The following ZNF26 variants were observed in gnomAD, a reference collection of about 807,000 sequenced individuals.
The protein encoded by ZNF26 is epididymis luminal protein 179.
A neutral mutation model predicts 54.9 loss-of-function variants in ZNF26; 32 were observed. That is an observed-to-expected ratio of 0.58 (90% CI 0.44 to 0.78). The LOEUF is 0.78. ZNF26 is among the 30% of genes least tolerant of loss of function. The probability of loss-of-function intolerance (pLI) is 0.00; values close to 1 mark genes in which losing one functional copy is unlikely to be tolerated. For missense variants in ZNF26, 524 were observed against 634.0 expected (o/e 0.83, Z 1.86); for synonymous variants, 221 against 209.2 (o/e 1.06, Z -0.49).
chr12:132,986,730 G>C lies in ZNF26; in HGVS notation c.-111G>C. The C allele has an allele frequency of 8.0e-7, 1 of 1,250,674 alleles. No individual in the cohort carries two copies. The highest frequency in any genetic ancestry group is 1.1e-6 in the Non-Finnish European group (1 of 896,380). The allele number at this position is 1,250,674 out of a possible 1,614,324, so 77.5% of individuals were successfully genotyped here. ...AACGACTCGGCCCCGGGACGGTCAGGAGCCTGGGGCCCTGGTCCCGCACCT... is the reference window on the plus strand; with the variant it reads ...AACGACTCGGCCCCGGGACGGTCAGCAGCCTGGGGCCCTGGTCCCGCACCT... On this transcript the variant is annotated 5_prime_UTR_variant, in exon 1 of 4. Transcript: ENST00000328654.
Position 133,010,678 on chromosome 12 carries a change from T to C in ZNF26, c.799T>C (p.Tyr267His). 6.2e-7 allele frequency: 1 copy of C among 1,614,148 alleles called. No individual in the cohort carries two copies. The highest frequency in any genetic ancestry group is 8.5e-7 in the Non-Finnish European group (1 of 1,180,038). ...TGGCTGCAGTGAATGTGGGAAAGCC[T>C]ACAGTTGGAAATCACAGCTTCTTTT... ...PYGCSECGKA[Y>H]SWKSQLLLHQ... The change falls in exon 4 of 4, where the codon TAC (tyrosine) becomes CAC (histidine). Residue 267 changes from tyrosine to histidine, a missense_variant. Transcript: ENST00000328654.
intron 1 of ZNF26, among the ~76,000 whole-genome samples, chr12:132,999,153 C>G (rs1471666287): frequency 6.6e-6 from 1 of 152,218 alleles, no homozygotes; most frequent in African/African-American, 2.4e-5. Context: ...GTTCCAGAGT[C>G]AGTGGAACAG....
chr12:132,995,459 A>G lies in ZNF26; in HGVS notation c.33+8586A>G, dbSNP rs948245994. On this transcript the variant is annotated intron_variant, in intron 1 of 3. Coordinates refer to ENST00000328654, the MANE Select transcript of ZNF26 (RefSeq NM_019591.4). ...TATACAACTTCTCTGTATTTTAAAT[A>G]TTTACATAGTTATATATTATGATAG... 2.5e-4 allele frequency among the ~76,000 whole-genome samples: 37 copies of G among 148,702 alleles called. No homozygotes were observed. In the South Asian group the frequency reaches 6.8e-3, roughly 27 times the overall value.
intron 1 of ZNF26, among the ~76,000 whole-genome samples, chr12:132,990,814 G>A (rs1444341444): frequency 2.0e-5 from 3 of 152,122 alleles, no homozygotes; most frequent in East Asian, 1.9e-4. Context: ...GTCATGAAAT[G>A]TGTGGACGTA....
At position 132,986,832 on chromosome 12, in the gene ZNF26, G is replaced by T. The variant is rs1952832977; in HGVS notation, c.-9G>T. 6.2e-7 allele frequency: 1 copy of T among 1,604,480 alleles called. No individual in the cohort carries two copies. The highest frequency in any genetic ancestry group is 8.5e-7 in the Non-Finnish European group (1 of 1,175,586). On this transcript the variant is annotated 5_prime_UTR_variant, in exon 1 of 4. Transcript: ENST00000328654. Reference sequence around the variant, plus strand: ...CCCCCGCAGGCAGCGCGCGAACGTGGGCGTGGGGATGGCCACCAGTTTCCG... The same window carrying T: ...CCCCCGCAGGCAGCGCGCGAACGTGTGCGTGGGGATGGCCACCAGTTTCCG...
In ZNF26 at chr12:133,011,461, C is replaced by A; in HGVS notation, c.1582C>A (p.His528Asn). 3 of 1,552,692 alleles carry A rather than the reference C, an allele frequency of 1.9e-6. No homozygotes were observed. The highest frequency in any genetic ancestry group is 1.2e-5 in the South Asian group (1 of 80,330). Residue 528 changes from histidine to asparagine, a missense_variant, in exon 4 of 4, where the codon CAT (histidine) becomes AAT (asparagine). His to Asn is a moderately conservative substitution (Grantham distance 68). Coordinates refer to ENST00000328654, the MANE Select transcript of ZNF26 (RefSeq NM_019591.4). The part of the protein sequence containing the change: ...SFCWNSGLRI[H>N]RKTHK ...CTGTTGGAATTCAGGGCTTCGTATA[C>A]ATCGGAAGACTCATAAATGAGAAAT...
intron 1 of ZNF26, among the ~76,000 whole-genome samples, chr12:132,992,549 T>C (rs2137215856): frequency 6.6e-6 from 1 of 152,330 alleles, no homozygotes; most frequent in South Asian, 2.1e-4. Flanking sequence ...TATTGTTTCA[T>C]ATATAGATGC....
At chr12:133,008,112 C>G (rs1953374542) in intron 3 of ZNF26, among the ~76,000 whole-genome samples, 1 of 152,140 alleles carries the variant, frequency 6.6e-6, no homozygotes, top group African/African-American at 2.4e-5. Context: ...GCTTTCCCCC[C>G]AGTGTTGTAA....
chr12:132,986,977 T>A, intron 1 of ZNF26, 104 bp downstream of exon 1: 1 of 1,324,640 alleles, frequency 7.5e-7, no homozygotes, highest in Non-Finnish European at 1.1e-6. Flanking sequence ...TCAGCTGTAA[T>A]TGTGTGCGTA....
intron 1 of ZNF26, among the ~76,000 whole-genome samples, chr12:132,991,761 G>A (rs1048105677): frequency 2.3e-4 from 35 of 152,200 alleles, no homozygotes; most frequent in African/African-American, 7.9e-4. Context: ...TCCAGCTTAG[G>A]CAACAGAGCG....
intron 1 of ZNF26, chr12:133,005,087 A>T (rs1342563221): frequency 6.6e-6 from 1 of 151,882 alleles, no homozygotes; most frequent in Non-Finnish European, 1.5e-5. Flanking sequence ...ATTTGTCTTC[A>T]CTCCAAGAGA....
chr12:132,998,077 C>G (rs1593647176), intron 1 of ZNF26, among the ~76,000 whole-genome samples: 2 of 151,952 alleles, frequency 1.3e-5, no homozygotes, highest in Admixed American at 1.3e-4. Flanking sequence ...TCTCATTATA[C>G]TTGGCCTGGT....
rs1953609898 is a variant in ZNF26 at position 133,019,421 on chromosome 12, C to T, written c.*7940C>T. On this transcript the variant is annotated 3_prime_UTR_variant, in exon 4 of 4. Transcript: ENST00000328654. ...AAAGTAGGCAAAAGATCCAAACAGA[C>T]GTTTCTCAGAGAAGACATGCAAATG... 2 of 152,074 alleles carry T rather than the reference C, an allele frequency of 1.3e-5. No homozygotes were observed. Among genetic ancestry groups the T allele is most frequent in the African/African-American group, 2.4e-5 (1 of 41,392 alleles). 9.4% of individuals were successfully genotyped at this position (152,074 alleles called of 1,614,324 possible). A position where few individuals can be genotyped will look rare whatever the true frequency, so the allele number is the denominator to read the frequency against.
intron 1 of ZNF26, among the ~76,000 whole-genome samples, chr12:132,993,505 G>A (rs1210594001): frequency 1.3e-5 from 2 of 151,684 alleles, no homozygotes; most frequent in African/African-American, 4.8e-5. Flanking sequence ...GTCCAGGCTG[G>A]AGTGCAGTGG....
intron 1 of ZNF26, among the ~76,000 whole-genome samples, chr12:132,991,113 C>T (rs1952941776): frequency 1.3e-5 from 2 of 151,948 alleles, no homozygotes; most frequent in South Asian, 4.2e-4. Context: ...CCCACCTCAG[C>T]CTCCCAAAGT....
chr12:133,005,937 G>A (rs1953314970), intron 1 of ZNF26: 1 of 231,846 alleles, frequency 4.3e-6, no homozygotes, highest in African/African-American at 2.3e-5. Context: ...TTCGGTGTCT[G>A]AAATATTTGT....
In ZNF26 at chr12:133,011,113, T is replaced by C; in HGVS notation, c.1234T>C (p.Tyr412His). Reference protein sequence around the residue: ...ECGKAFSSKSYLVIHRRTHTG... With the variant: ...ECGKAFSSKSHLVIHRRTHTG... ...TGGGAAGGCTTTCAGCAGCAAGTCATACCTTGTTATACATAGGAGAACACA... is the reference window on the plus strand; with the variant it reads ...TGGGAAGGCTTTCAGCAGCAAGTCACACCTTGTTATACATAGGAGAACACA... The change falls in exon 4 of 4, where the codon TAC (tyrosine) becomes CAC (histidine). Residue 412 changes from tyrosine (Y) to histidine (H), a missense_variant. Transcript: ENST00000328654. The C allele has an allele frequency of 6.2e-7, 1 of 1,614,150 alleles. No homozygotes were observed.
At chr12:132,996,158 TC>T (rs1480096901) in intron 1 of ZNF26, among the ~76,000 whole-genome samples, 1 of 152,128 alleles carries the variant, frequency 6.6e-6, no homozygotes, top group Non-Finnish European at 1.5e-5. Context: ...TGCGGGAGAC[TC>T]AGTCTGCCAT....
chr12:133,007,857 T>C (rs1354800608), intron 3 of ZNF26, among the ~76,000 whole-genome samples: 1 of 152,176 alleles, frequency 6.6e-6, no homozygotes. Context: ...GGATTTCTTT[T>C]TCCCCTCACT....
Sources: allele counts gnomAD v4.1 joint callset (sites outside exome capture counted in the v4.1 genomes callset), GRCh38; gene constraint gnomAD v4.1.1; transcripts MANE v1.5; gene names NCBI Gene and HGNC (gene_info 2026-07-23, HGNC 2026-07-21).